ZMYND10: variants seen among roughly 807,000 people sequenced by gnomAD.
The protein encoded by ZMYND10 is zinc finger MYND-type containing 10.
In ZMYND10, 52 loss-of-function variants were observed where a neutral mutation model predicts 62.6. The ratio of observed to expected loss-of-function variants is 0.83; its 90% CI spans 0.67 to 1.05. The LOEUF is 1.05. Ranked by LOEUF, ZMYND10 falls within the 50% of genes least tolerant of loss-of-function variation. The pLI is 0.00. For synonymous variants in ZMYND10, 197 were observed against 218.5 expected, an observed-to-expected ratio of 0.90 and a Z score of 0.87; for missense variants, 438 against 543.3, an observed-to-expected ratio of 0.81 and a Z score of 1.93.
chr3:50,342,724 G>A, intron 7 of ZMYND10, 155 bp from the exon 8 acceptor site: 1 of 1,466,790 alleles, frequency 6.8e-7, no homozygotes, highest in Non-Finnish European at 9.0e-7. Context: ...AGAGCAGGGT[G>A]AGCCTCAGTA....
At position 50,345,558 on chromosome 3, in the gene ZMYND10, G is replaced by A. The variant is rs1232550751; in HGVS notation, c.22C>T (p.Leu8=). The A allele has an allele frequency of 6.2e-7, 1 of 1,606,168 alleles. No homozygotes were observed. The highest frequency in any genetic ancestry group is 1.3e-5 in the African/African-American group (1 of 74,948). ...ACCAGCACTTCAGCTTCCCCGGGCA[G>A]CAGCAGTTCCAGGTCTCCCATATCG... MGDLELL[L]PGEAEVLVRG... The change falls in exon 1 of 12, where the codon CTG becomes TTG. Residue 8 remains leucine, a synonymous_variant. Coordinates refer to ENST00000231749, the MANE Select transcript of ZMYND10 (RefSeq NM_015896.4). This position sits in a 1 kb window ranked among gnomAD's most constrained non-coding sequence, Gnocchi z 5.0.
chr3:50,342,937 G>A lies in ZMYND10; in HGVS notation c.681C>T (p.Pro227=). The A allele has an allele frequency of 1.2e-6, 2 of 1,614,072 alleles. No homozygotes were observed. The highest frequency in any genetic ancestry group is 1.7e-6 in the Non-Finnish European group (2 of 1,179,946). The change falls in exon 7 of 12, where the codon CCC becomes CCT. Residue 227 remains proline, a synonymous_variant. Coordinates refer to ENST00000231749, the MANE Select transcript of ZMYND10 (RefSeq NM_015896.4). Reference sequence around the variant, plus strand: ...CCCTACCTCCTTCCCGCCGGCTCCAGGGACTATGCTCCAGCAGTTCCACCA... The same window carrying A: ...CCCTACCTCCTTCCCGCCGGCTCCAAGGACTATGCTCCAGCAGTTCCACCA... ...CLLVELLEHS[P]WSRREGGKLQ...
At position 50,345,067 on chromosome 3, in the gene ZMYND10, G is replaced by A. The variant is rs903169430; in HGVS notation, c.201+57C>T. On this transcript the variant is annotated intron_variant, in intron 2 of 11. Coordinates refer to ENST00000231749, the MANE Select transcript of ZMYND10 (RefSeq NM_015896.4). The surrounding 1 kb of genome is among the most constrained non-coding windows in gnomAD (Gnocchi z 5.0). ...AAGGGCACACAGGGGACTCCGGAGG[G>A]GTAGAGTAGGTGAGGTATGGGGGAA... 6.7e-7 allele frequency: 1 copy of A among 1,496,452 alleles called. No individual in the cohort carries two copies. The highest frequency in any genetic ancestry group is 1.4e-5 in the African/African-American group (1 of 72,880). The allele number at this position is 1,496,452 out of a possible 1,614,324, so 92.7% of individuals were successfully genotyped here. A position where few individuals can be genotyped will look rare whatever the true frequency, so the allele number is the denominator to read the frequency against.
intron 2 of ZMYND10, chr3:50,344,159 C>T (rs912340494): frequency 2.5e-5 from 10 of 397,060 alleles, no homozygotes; most frequent in African/African-American, 1.8e-4. Flanking sequence ...CCTTTCAAGC[C>T]AGCCCTTCTC....
At position 50,345,476 on chromosome 3, in the gene ZMYND10, C is replaced by T; in HGVS notation, c.92+12G>A. ...AATGACTCCGGGACTCCGCCTGACCCGGGTGCCTCACCCTTCGGAGCCCAT... is the reference window on the plus strand; with the variant it reads ...AATGACTCCGGGACTCCGCCTGACCTGGGTGCCTCACCCTTCGGAGCCCAT... On this transcript the variant is annotated intron_variant, in intron 1 of 11. Coordinates refer to ENST00000231749, the MANE Select transcript of ZMYND10 (RefSeq NM_015896.4). The surrounding 1 kb of genome is among the most constrained non-coding windows in gnomAD (Gnocchi z 5.0). 1 of 1,588,378 alleles carries T rather than the reference C, an allele frequency of 6.3e-7. No individual in the cohort carries two copies. Among genetic ancestry groups the T allele is most frequent in the African/African-American group, 1.3e-5 (1 of 74,552 alleles).
rs2109355008 is a variant in ZMYND10 at position 50,341,649 on chromosome 3, C to T, written c.1172G>A (p.Arg391Gln). Residue 391 changes from arginine (R) to glutamine (Q), a missense_variant, in exon 11 of 12, where the codon CGG becomes CAG. Transcript: ENST00000231749. ...TGCACTGCAGTAAGCACAGCGGGGC[C>T]GCTCTGGAGCCACTGCCTCTAGCAC... is the stretch of plus-strand genomic sequence containing the variant. Reference protein sequence around the residue: ...LDVLEAVAPERPRCAYCSAEA... With the variant: ...LDVLEAVAPEQPRCAYCSAEA... 5 of 1,614,222 alleles carry T rather than the reference C, an allele frequency of 3.1e-6. No homozygotes were observed. The highest frequency in any genetic ancestry group is 3.4e-6 in the Non-Finnish European group (4 of 1,180,042).
rs1703514550 is a variant in ZMYND10, at chr3:50,345,459, C to T, written c.92+29G>A. ...CTCCCCGACTCAAGGACAATGACTC[C>T]GGGACTCCGCCTGACCCGGGTGCCT... On this transcript the variant is annotated intron_variant, in intron 1 of 11. Transcript: ENST00000231749. This position sits in a 1 kb window ranked among gnomAD's most constrained non-coding sequence, Gnocchi z 5.0. 6.4e-7 allele frequency: 1 copy of T among 1,565,154 alleles called. No homozygotes were observed. The highest frequency in any genetic ancestry group is 1.2e-5 in the South Asian group (1 of 85,224).
In ZMYND10 at chr3:50,341,660, C is replaced by G; in HGVS notation, c.1161G>C (p.Val387=). 6.2e-7 allele frequency: 1 copy of G among 1,614,262 alleles called. No homozygotes were observed. Among genetic ancestry groups the G allele is most frequent in the Non-Finnish European group, 8.5e-7 (1 of 1,180,054 alleles). ...AAGCACAGCGGGGCCGCTCTGGAGC[C>G]ACTGCCTCTAGCACATCCAGCCTGT... ...ETYRLDVLEA[V]APERPRCAYC... Residue 387 remains valine, a synonymous_variant, in exon 11 of 12, where the codon GTG becomes GTC. Transcript: ENST00000231749.
At position 50,341,333 on chromosome 3, in the gene ZMYND10, C is replaced by G; in HGVS notation, c.*77G>C. The G allele has an allele frequency of 3.2e-6, 5 of 1,564,784 alleles. No homozygotes were observed. Among genetic ancestry groups the G allele is most frequent in the Non-Finnish European group, 4.4e-6 (5 of 1,144,962 alleles). Reference sequence around the variant, plus strand: ...ACTGGGGCTCCGGCAGAGGCTGGACCGTGATCTTGAGGTTCAGGGGTGCAT... The same window carrying G: ...ACTGGGGCTCCGGCAGAGGCTGGACGGTGATCTTGAGGTTCAGGGGTGCAT... On this transcript the variant is annotated 3_prime_UTR_variant, in exon 12 of 12. Coordinates refer to ENST00000231749, the MANE Select transcript of ZMYND10 (RefSeq NM_015896.4).
Position 50,345,444 on chromosome 3 carries a change from C to G in ZMYND10, c.92+44G>C, listed in dbSNP as rs587598623. ...CGAGTCAGGCCCCAGCTCCCCGACT[C>G]AAGGACAATGACTCCGGGACTCCGC... On this transcript the variant is annotated intron_variant, in intron 1 of 11. Transcript: ENST00000231749. The surrounding 1 kb of genome is among the most constrained non-coding windows in gnomAD (Gnocchi z 5.0). 97 of 1,556,320 alleles carry G rather than the reference C, an allele frequency of 6.2e-5. No homozygotes were observed. In the South Asian group the frequency reaches 1.1e-3, roughly 18 times the overall value.
intron 2 of ZMYND10, among the ~76,000 whole-genome samples, chr3:50,344,272 A>G (rs1381420122): frequency 6.9e-6 from 1 of 144,898 alleles, no homozygotes; most frequent in Admixed American, 6.8e-5. Flanking sequence ...TTCCTATCCT[A>G]TCCCCTAGTA....
rs758582960 is a variant in ZMYND10 at position 50,341,897 on chromosome 3, T to C, written c.1034A>G (p.Asn345Ser). 6.2e-7 allele frequency: 1 copy of C among 1,614,190 alleles called. No homozygotes were observed. Among genetic ancestry groups the C allele is most frequent in the Non-Finnish European group, 8.5e-7 (1 of 1,180,036 alleles). Reference protein sequence around the residue: ...PEIWERLERENRGKWQAIAKH... With the variant: ...PEIWERLERESRGKWQAIAKH... Reference sequence around the variant, plus strand: ...GGCAATTGCCTGCCACTTGCCTCTGTTTTCTCGCTCCAGCCGCTCCCAGAT... The same window carrying C: ...GGCAATTGCCTGCCACTTGCCTCTGCTTTCTCGCTCCAGCCGCTCCCAGAT... Residue 345 changes from asparagine to serine, a missense_variant, in exon 10 of 12, where the codon AAC (asparagine) becomes AGC (serine). Transcript: ENST00000231749.
Position 50,341,322 on chromosome 3 carries a change from A to C in ZMYND10, c.*88T>G. On this transcript the variant is annotated 3_prime_UTR_variant, in exon 12 of 12. Transcript: ENST00000231749. The stretch of plus-strand genomic sequence containing the variant: ...CCACTGCGGAGACTGGGGCTCCGGC[A>C]GAGGCTGGACCGTGATCTTGAGGTT... The C allele has an allele frequency of 3.3e-6, 5 of 1,517,874 alleles. No homozygotes were observed. The highest frequency in any genetic ancestry group is 4.5e-6 in the Non-Finnish European group (5 of 1,107,676). The allele number at this position is 1,517,874 out of a possible 1,614,324, so 94.0% of individuals were successfully genotyped here.
rs779556587 is a variant in ZMYND10 at position 50,345,473 on chromosome 3, A to T, written c.92+15T>A. 9.5e-6 allele frequency: 15 copies of T among 1,584,442 alleles called. No homozygotes were observed. In the Admixed American group the frequency reaches 2.7e-4, roughly 28 times the overall value. On this transcript the variant is annotated intron_variant, in intron 1 of 11. Coordinates refer to ENST00000231749, the MANE Select transcript of ZMYND10 (RefSeq NM_015896.4). This position sits in a 1 kb window ranked among gnomAD's most constrained non-coding sequence, Gnocchi z 5.0. ...GACAATGACTCCGGGACTCCGCCTG[A>T]CCCGGGTGCCTCACCCTTCGGAGCC...
chr3:50,343,613 G>A lies in ZMYND10; in HGVS notation c.322C>T (p.His108Tyr). The A allele has an allele frequency of 1.2e-6, 2 of 1,614,124 alleles. No homozygotes were observed. Among genetic ancestry groups the A allele is most frequent in the Non-Finnish European group, 8.5e-7 (1 of 1,180,032 alleles). ...AGGTTGATGATGGAGGCCTCGTGGT[G>A]CACCTGTCAGATAAAGAGAAGGACA... is the stretch of plus-strand genomic sequence containing the variant. Reference protein sequence around the residue: ...QNTFPIYMVVHHEASIINLLE... With the variant: ...QNTFPIYMVVYHEASIINLLE... Residue 108 changes from histidine to tyrosine, a missense_variant, in exon 4 of 12, where the codon CAC (histidine) becomes TAC (tyrosine). By Grantham distance (83) the His-to-Tyr change is moderately conservative. Coordinates refer to ENST00000231749, the MANE Select transcript of ZMYND10 (RefSeq NM_015896.4).
Position 50,341,456 on chromosome 3 carries a change from T to C in ZMYND10, c.1277A>G (p.His426Arg), listed in dbSNP as rs1345721025. 6.2e-7 allele frequency: 1 copy of C among 1,614,222 alleles called. No homozygotes were observed. The highest frequency in any genetic ancestry group is 1.1e-5 in the South Asian group (1 of 91,086). Residue 426 changes from histidine (H) to arginine (R), a missense_variant, in exon 12 of 12, where the codon CAT becomes CGT. His to Arg is a conservative substitution (Grantham distance 29). Coordinates refer to ENST00000231749, the MANE Select transcript of ZMYND10 (RefSeq NM_015896.4). ...GGCTGCCAGGACACAAGTCTTTCCA[T>C]GCTTTTCCCAGTGCTTGACTTGGCA... ...RECQVKHWEKHGKTCVLAAQG... is the reference protein window; with the variant it reads ...RECQVKHWEKRGKTCVLAAQG...
rs762889922 is a variant in ZMYND10 at position 50,342,927 on chromosome 3, G to C, written c.691C>G (p.Arg231Gly). The C allele has an allele frequency of 6.2e-7, 1 of 1,613,852 alleles. No homozygotes were observed. The highest frequency in any genetic ancestry group is 8.5e-7 in the Non-Finnish European group (1 of 1,179,842). ...TGGGGGAGGACCCTACCTCCTTCCC[G>C]CCGGCTCCAGGGACTATGCTCCAGC... Reference protein sequence around the residue: ...ELLEHSPWSRREGGKLQQFEG... With the variant: ...ELLEHSPWSRGEGGKLQQFEG... The change falls in exon 7 of 12, where the codon CGG (arginine) becomes GGG (glycine). Residue 231 changes from arginine to glycine, a missense_variant. By Grantham distance (125) the Arg-to-Gly change is moderately radical. Coordinates refer to ENST00000231749, the MANE Select transcript of ZMYND10 (RefSeq NM_015896.4).
rs369762865 is a variant in ZMYND10 at position 50,343,669 on chromosome 3, T to A, written c.319-53A>T. The A allele has an allele frequency of 7.9e-5, 127 of 1,613,678 alleles. 1 individual carries two copies. In the East Asian group the frequency reaches 8.5e-4, roughly 11 times the overall value. ...TGAGGAAGGGATAGGGGCTACCAGC[T>A]CTCCTCCCCGGTCCAGAGCCCTCTG... is the stretch of plus-strand genomic sequence containing the variant. On this transcript the variant is annotated intron_variant, in intron 3 of 11. Transcript: ENST00000231749.
Position 50,345,623 on chromosome 3 carries a change from G to A in ZMYND10, c.-44C>T. On this transcript the variant is annotated 5_prime_UTR_variant, in exon 1 of 12. Transcript: ENST00000231749. The surrounding 1 kb of genome is among the most constrained non-coding windows in gnomAD (Gnocchi z 5.0). ...CGGATCCTGGGCAGCAGCCGGGGTGGGGATGCTGTCACATTCGGGGACGAC... is the reference window on the plus strand; with the variant it reads ...CGGATCCTGGGCAGCAGCCGGGGTGAGGATGCTGTCACATTCGGGGACGAC... 6.5e-7 allele frequency: 1 copy of A among 1,550,088 alleles called. No individual in the cohort carries two copies. Among genetic ancestry groups the A allele is most frequent in the Non-Finnish European group, 8.7e-7 (1 of 1,147,464 alleles).
Sources: allele counts gnomAD v4.1 joint callset (sites outside exome capture counted in the v4.1 genomes callset), GRCh38; gene constraint gnomAD v4.1.1; non-coding constraint Gnocchi (gnomAD v3.1); transcripts MANE v1.5; gene names NCBI Gene and HGNC (gene_info 2026-07-23, HGNC 2026-07-21).